Variants in ZBTB18 observed in about 807,000 individuals in gnomAD.
ZBTB18 encodes zinc finger and BTB domain-containing protein 18.
Under a neutral mutation model 37.7 loss-of-function variants are expected in ZBTB18, and 2 were observed. The ratio of observed to expected loss-of-function variants is 0.05; its 90% confidence interval spans 0.02 to 0.17. The LOEUF (loss-of-function observed/expected upper bound fraction) is 0.17, where lower values mean the gene tolerates loss of function less well. ZBTB18 is among the 10% of genes least tolerant of loss of function. The pLI is 1.00. For missense variants in ZBTB18, 408 were observed against 686.3 expected, an observed-to-expected ratio of 0.59 and a Z score of 4.53; for synonymous variants, 304 against 276.5, an observed-to-expected ratio of 1.10 and a Z score of -0.99.
chr1:244,049,772 A>G (rs1428116227), upstream of ZBTB18, among the ~76,000 whole-genome samples: 1 of 115,432 alleles, frequency 8.7e-6, no homozygotes, highest in African/African-American at 3.4e-5. Flanking sequence ...CCCCGCCCCC[A>G]CCTCTCTGAA....
At chr1:244,049,537 G>A (rs1698307046), upstream of ZBTB18, among the ~76,000 whole-genome samples, 1 of 151,964 alleles carries the variant, frequency 6.6e-6, no homozygotes, top group South Asian at 2.1e-4. Context: ...CGGCATCGGG[G>A]AAGCGGTAGC....
chr1:244,048,861 G>A (rs1434541301), upstream of ZBTB18: 1 of 144,164 alleles, frequency 6.9e-6, no homozygotes, highest in Non-Finnish European at 1.6e-5. Context: ...GGGTGGGGGG[G>A]CCGGGAGGGA....
upstream of ZBTB18, among the ~76,000 whole-genome samples, chr1:244,049,303 G>T (rs1698300968): frequency 6.8e-6 from 1 of 147,018 alleles, no homozygotes. Context: ...TGCGGCGCGG[G>T]GCGGGCTCCC....
rs1218318049 is a variant in ZBTB18, at chr1:244,053,111, C to T, written c.14-677C>T. On this transcript the variant is annotated intron_variant, in intron 1 of 1. Transcript: ENST00000358704. The surrounding 1 kb of genome is among the most constrained non-coding windows in gnomAD (Gnocchi z 5.2). ...ATCTGTTGGTGCAGCTCCTTCTGAT[C>T]TCGTACATGTGTGCTATACCTGCAA... Among the ~76,000 whole-genome samples, 1 of 152,212 alleles carries T rather than the reference C, an allele frequency of 6.6e-6. No homozygotes were observed. Among genetic ancestry groups the T allele is most frequent in the Non-Finnish European group, 1.5e-5 (1 of 68,030 alleles).
chr1:244,049,775 T>G (rs1376171822), upstream of ZBTB18, among the ~76,000 whole-genome samples: 3 of 127,652 alleles, frequency 2.4e-5, no homozygotes, highest in Non-Finnish European at 3.3e-5. Flanking sequence ...CGCCCCCACC[T>G]CTCTGAAAAA....
chr1:244,051,643 T>C, intron 1 of ZBTB18, 199 bp downstream of exon 1: 1 of 181,866 alleles, frequency 5.5e-6, no homozygotes, highest in Non-Finnish European at 1.1e-5. Context: ...AGCGAGTAAA[T>C]AACTTTAATA....
At position 244,054,395 on chromosome 1, in the gene ZBTB18, C is replaced by T. The variant is rs151236208; in HGVS notation, c.621C>T (p.Gly207=). The T allele has an allele frequency of 6.8e-5, 109 of 1,614,018 alleles. No homozygotes were observed. Among genetic ancestry groups the T allele is most frequent in the Non-Finnish European group, 8.1e-5 (96 of 1,180,040 alleles). The change falls in exon 2 of 2, where the codon GGC becomes GGT. Residue 207 remains glycine, a synonymous_variant. Coordinates refer to ENST00000358704, the MANE Select transcript of ZBTB18 (RefSeq NM_205768.3). The surrounding 1 kb of genome is among the most constrained non-coding windows in gnomAD (Gnocchi z 9.0). The part of the protein sequence containing the change: ...PSDSAGIPQA[G]GEAEPHATAA... ...ACTCAGCAGGCATCCCCCAGGCTGG[C>T]GGAGAGGCAGAGCCACACGCCACAG...
At chr1:244,050,197 G>C (rs1698319516), upstream of ZBTB18, among the ~76,000 whole-genome samples, 1 of 152,254 alleles carries the variant, frequency 6.6e-6, no homozygotes, top group Non-Finnish European at 1.5e-5. Flanking sequence ...TGGGACGCTG[G>C]CGCCTCAGGC....
In ZBTB18 at chr1:244,055,954, ACACTGGGAT is replaced by A. The variant is rs1698459416; in HGVS notation, c.*593_*601del. ...TCCCAGTGAGAGAAATGCTGAAAGT[ACACTGGGAT>A]CACTGGGACACTGTCTTATGAAGGT... On this transcript the variant is annotated 3_prime_UTR_variant, in exon 2 of 2. Transcript: ENST00000358704. This position sits in a 1 kb window ranked among gnomAD's most constrained non-coding sequence, Gnocchi z 7.0. The A allele has an allele frequency of 6.0e-6, 1 of 167,118 alleles. No homozygotes were observed. Among genetic ancestry groups the A allele is most frequent in the Non-Finnish European group, 1.5e-5 (1 of 68,130 alleles). The allele number at this position is 167,118 out of a possible 1,614,324, so 10.4% of individuals were successfully genotyped here.
chr1:244,054,853 T>C lies in ZBTB18; in HGVS notation c.1079T>C (p.Met360Thr), dbSNP rs139887719. Reference protein sequence around the residue: ...ESERVQVEGGMESSLLPYVSN... With the variant: ...ESERVQVEGGTESSLLPYVSN... ...GAGCGTGTCCAGGTGGAGGGAGGCATGGAGAGCAGTCTGCTCCCCTACGTC... is the reference window on the plus strand; with the variant it reads ...GAGCGTGTCCAGGTGGAGGGAGGCACGGAGAGCAGTCTGCTCCCCTACGTC... The change falls in exon 2 of 2, where the codon ATG becomes ACG. Residue 360 changes from methionine (M) to threonine (T), a missense_variant. Physicochemically the swap from Met to Thr is moderately conservative, Grantham distance 81. Coordinates refer to ENST00000358704, the MANE Select transcript of ZBTB18 (RefSeq NM_205768.3). This position sits in a 1 kb window ranked among gnomAD's most constrained non-coding sequence, Gnocchi z 9.0. 15 of 1,613,920 alleles carry C rather than the reference T, an allele frequency of 9.3e-6. No individual in the cohort carries two copies. The highest frequency in any genetic ancestry group is 1.1e-5 in the Non-Finnish European group (13 of 1,180,012).
rs1157653308 is a variant in ZBTB18, at chr1:244,056,278, A to G, written c.*908A>G. 1 of 167,130 alleles carries G rather than the reference A, an allele frequency of 6.0e-6. No individual in the cohort carries two copies. The highest frequency in any genetic ancestry group is 1.5e-5 in the Non-Finnish European group (1 of 68,132). The allele number at this position is 167,130 out of a possible 1,614,324, so 10.4% of individuals were successfully genotyped here. On this transcript the variant is annotated 3_prime_UTR_variant, in exon 2 of 2. Coordinates refer to ENST00000358704, the MANE Select transcript of ZBTB18 (RefSeq NM_205768.3). ...GAAAAATAACACCATTTGGAAAAAA[A>G]AACTGGTGTTATGAAGAACGTAAAT...
upstream of ZBTB18, among the ~76,000 whole-genome samples, chr1:244,048,628 G>GCCCCCCCCCCCCCCCCCCCCCCCCCCCC (rs1325001619): frequency 3.8e-5 from 3 of 79,442 alleles, 1 homozygote; most frequent in Non-Finnish European, 8.9e-5. Context: ...CCCCGCGCCC[G>GCCCCCCCCCCCCCCCCCCCCCCCCCCCC]CCCCCCCCCC....
chr1:244,052,327 G>A (rs997304152), intron 1 of ZBTB18, among the ~76,000 whole-genome samples: 1 of 152,216 alleles, frequency 6.6e-6, no homozygotes, highest in African/African-American at 2.4e-5. Context: ...GATTAGGATT[G>A]ATGTTAGCTG....
At chr1:244,050,116 C>T (rs1462407551), upstream of ZBTB18, among the ~76,000 whole-genome samples, 1 of 152,144 alleles carries the variant, frequency 6.6e-6, no homozygotes, top group Admixed American at 6.5e-5. Flanking sequence ...AGGACGGAGT[C>T]GTCGGGTTTT....
chr1:244,051,500 T>G (rs1698351908), intron 1 of ZBTB18, 56 bp downstream of exon 1: 2 of 1,605,602 alleles, frequency 1.2e-6, no homozygotes. Context: ...TTTTGTTTAT[T>G]TAATTTTAAA....
chr1:244,054,352 G>C lies in ZBTB18; in HGVS notation c.578G>C (p.Trp193Ser). Residue 193 changes from tryptophan to serine, a missense_variant, in exon 2 of 2, where the codon TGG becomes TCG. Physicochemically the swap from Trp to Ser is radical, Grantham distance 177 (BLOSUM62 -3). This residue lies in a region of ZBTB18 where 266 missense variants were observed against 312.0 expected (regional missense o/e 0.85). Coordinates refer to ENST00000358704, the MANE Select transcript of ZBTB18 (RefSeq NM_205768.3). This position sits in a 1 kb window ranked among gnomAD's most constrained non-coding sequence, Gnocchi z 9.0. ...RDLAAEPGNM[W>S]MRLPSDSAGI... ...TTGGCGGCCGAGCCTGGGAACATGT[G>C]GATGCGATTGCCCTCAGACTCAGCA... is the stretch of plus-strand genomic sequence containing the variant. The C allele has an allele frequency of 6.2e-7, 1 of 1,614,158 alleles. No individual in the cohort carries two copies. Among genetic ancestry groups the C allele is most frequent in the Non-Finnish European group, 8.5e-7 (1 of 1,180,036 alleles).
Position 244,054,695 on chromosome 1 carries a change from A to G in ZBTB18, c.921A>G (p.Lys307=), listed in dbSNP as rs183036142. The G allele has an allele frequency of 6.2e-7, 1 of 1,614,212 alleles. No individual in the cohort carries two copies. The highest frequency in any genetic ancestry group is 2.2e-5 in the East Asian group (1 of 44,872). Residue 307 remains lysine (K), a synonymous_variant, in exon 2 of 2, where the codon AAA becomes AAG. Coordinates refer to ENST00000358704, the MANE Select transcript of ZBTB18 (RefSeq NM_205768.3). The surrounding 1 kb of genome is among the most constrained non-coding windows in gnomAD (Gnocchi z 9.0). ...ATGACATGGAACATAGCACTGTGAA[A>G]GAAAGTGTGAGCACTAATAACAGGG... ...NDYDMEHSTV[K]ESVSTNNRVQ...
chr1:244,049,204 C>T (rs999048420), upstream of ZBTB18, among the ~76,000 whole-genome samples: 2 of 107,964 alleles, frequency 1.9e-5, no homozygotes, highest in Non-Finnish European at 3.8e-5. Flanking sequence ...GCGGGAGGCC[C>T]GGGCGCGGGG....
At position 244,056,721 on chromosome 1, in the gene ZBTB18, A is replaced by G. The variant is rs1030539014; in HGVS notation, c.*1351A>G. ...AGATTCTATGGACTGAAAAAGCCCC[A>G]GGCTGAAAGGACTGGACTGCCTTGA... On this transcript the variant is annotated 3_prime_UTR_variant, in exon 2 of 2. Transcript: ENST00000358704. 3 of 125,614 alleles carry G rather than the reference A, an allele frequency of 2.4e-5. No homozygotes were observed. Among genetic ancestry groups the G allele is most frequent in the African/African-American group, 1.1e-4 (3 of 28,156 alleles). 7.8% of individuals were successfully genotyped at this position (125,614 alleles called of 1,614,324 possible).
Sources: gnomAD v4.1 joint callset for allele counts (sites outside exome capture counted in the v4.1 genomes callset) on GRCh38, gnomAD v4.1.1 for gene constraint, gnomAD v4.1.1 regional missense constraint, Gnocchi (gnomAD v3.1) non-coding constraint, MANE v1.5 for transcripts, NCBI Gene and HGNC (gene_info 2026-07-23, HGNC 2026-07-21) for gene names.